RALGPS2: variants seen among roughly 807,000 people sequenced by gnomAD.
RALGPS2 encodes the protein Ral GEF with PH domain and SH3 binding motif 2.
A neutral mutation model predicts 86.8 loss-of-function variants in RALGPS2; 43 were observed. The ratio of observed to expected loss-of-function variants is 0.50; its 90% confidence interval spans 0.39 to 0.64. The LOEUF is 0.64. RALGPS2 is among the 30% of genes least tolerant of loss of function. The probability of loss-of-function intolerance (pLI) is 0.00; values close to 1 mark genes in which losing one functional copy is unlikely to be tolerated. For synonymous variants in RALGPS2, 243 were observed against 231.3 expected, an observed-to-expected ratio of 1.05 and a Z score of -0.46; for missense variants, 536 against 694.6, an observed-to-expected ratio of 0.77 and a Z score of 2.57.
intron 8 of RALGPS2, chr1:178,850,976 T>G: frequency 1.6e-6 from 1 of 629,726 alleles, no homozygotes; most frequent in Non-Finnish European, 2.4e-6. Flanking sequence ...GAAACTACAT[T>G]TATAGGTTCC....
At chr1:178,778,622 T>C (rs1653219766) in intron 2 of RALGPS2, among the ~76,000 whole-genome samples, 1 of 120,224 alleles carries the variant, frequency 8.3e-6, no homozygotes, top group Non-Finnish European at 1.7e-5. Flanking sequence ...TTATTCACAA[T>C]AGCAAAGACT....
chr1:178,894,723 A>G (rs1185955068), intron 16 of RALGPS2, among the ~76,000 whole-genome samples: 1 of 152,068 alleles, frequency 6.6e-6, no homozygotes, highest in Admixed American at 6.6e-5. Flanking sequence ...GAGGGAAAAT[A>G]TTGTACACAT....
At chr1:178,783,677 C>T (rs1653504979) in intron 2 of RALGPS2, among the ~76,000 whole-genome samples, 1 of 152,128 alleles carries the variant, frequency 6.6e-6, no homozygotes, top group Non-Finnish European at 1.5e-5. Context: ...GCCTCATATC[C>T]TACCACCATT....
In RALGPS2 at chr1:178,848,114, A is replaced by T. The variant is rs182684022; in HGVS notation, c.607+14564A>T. ...ACTTGAGGCCAGGAGTTTGAGACCA[A>T]CCTGGGCAACACAGTGAGACCCCAT... On this transcript the variant is annotated intron_variant, in intron 8 of 19. Transcript: ENST00000367635. Among the ~76,000 whole-genome samples, 317 of 151,968 alleles carry T rather than the reference A, an allele frequency of 2.1e-3. 1 individual carries two copies. Among genetic ancestry groups the T allele is most frequent in the Non-Finnish European group, 3.4e-3 (233 of 67,958 alleles).
intron 8 of RALGPS2, among the ~76,000 whole-genome samples, chr1:178,844,899 G>A (rs1230535093): frequency 2.6e-5 from 4 of 151,982 alleles, no homozygotes; most frequent in Admixed American, 6.6e-5. Context: ...GCATATTTTG[G>A]CTAGGTGCGG....
At chr1:178,780,111 C>T (rs963593349) in intron 2 of RALGPS2, among the ~76,000 whole-genome samples, 7 of 152,278 alleles carry the variant, frequency 4.6e-5, no homozygotes, top group Admixed American at 2.6e-4. Flanking sequence ...ACAGAAGTTA[C>T]AATCTTATAT....
chr1:178,867,440 T>C (rs1419567037), intron 8 of RALGPS2, among the ~76,000 whole-genome samples: 2 of 152,110 alleles, frequency 1.3e-5, no homozygotes, highest in Non-Finnish European at 2.9e-5. Context: ...ACTATTTGCA[T>C]TTATAACACT....
intron 6 of RALGPS2, among the ~76,000 whole-genome samples, chr1:178,811,721 G>T (rs1403339457): frequency 6.6e-6 from 1 of 152,156 alleles, no homozygotes; most frequent in Non-Finnish European, 1.5e-5. Flanking sequence ...TATTCTGCAG[G>T]TGATGAAGAA....
Position 178,819,084 on chromosome 1 carries a change from G to A in RALGPS2, c.388-2528G>A, listed in dbSNP as rs188385603. 5.1e-3 allele frequency among the ~76,000 whole-genome samples: 775 copies of A among 151,732 alleles called. 2 individuals are homozygous for A. The highest frequency in any genetic ancestry group is 8.6e-3 in the Non-Finnish European group (583 of 67,920). ...GCTCATCACAACCTGTGCCTCCTGGGCTCAAGCAGTCCTCCCATCTCAGCC... is the reference window on the plus strand; with the variant it reads ...GCTCATCACAACCTGTGCCTCCTGGACTCAAGCAGTCCTCCCATCTCAGCC... On this transcript the variant is annotated intron_variant, in intron 6 of 19. Transcript: ENST00000367635.
intron 8 of RALGPS2, among the ~76,000 whole-genome samples, chr1:178,836,134 C>G (rs1656261711): frequency 6.6e-6 from 1 of 152,116 alleles, no homozygotes; most frequent in Non-Finnish European, 1.5e-5. Flanking sequence ...CTCTCATGCA[C>G]ACACAGAGAG....
intron 1 of RALGPS2, among the ~76,000 whole-genome samples, chr1:178,749,176 GT>G (rs1200364436): frequency 1.3e-5 from 2 of 152,006 alleles, no homozygotes; most frequent in Non-Finnish European, 2.9e-5. Context: ...AAATAAAGCT[GT>G]TTTTAAAATT....
chr1:178,794,460 T>C (rs1654099232), intron 4 of RALGPS2, among the ~76,000 whole-genome samples: 1 of 152,208 alleles, frequency 6.6e-6, no homozygotes, highest in Non-Finnish European at 1.5e-5. Flanking sequence ...TTTATAGGGC[T>C]TCTCTCCAGT....
At chr1:178,880,935 A>G (rs1172790445) in intron 10 of RALGPS2, among the ~76,000 whole-genome samples, 1 of 152,162 alleles carries the variant, frequency 6.6e-6, no homozygotes, top group Non-Finnish European at 1.5e-5. Context: ...TAATGCCTTC[A>G]TTTTTGTAGG....
intron 4 of RALGPS2, among the ~76,000 whole-genome samples, chr1:178,800,016 A>C (rs1654397282): frequency 6.6e-6 from 1 of 152,208 alleles, no homozygotes; most frequent in Non-Finnish European, 1.5e-5. Flanking sequence ...GGGAGCTAAG[A>C]GTTTCAAGAT....
Position 178,748,261 on chromosome 1 carries a change from G to A in RALGPS2, c.-84+22842G>A, listed in dbSNP as rs371670871. ...CTTGAACCTGGGAGGTGGAGGTTGT[G>A]GTGAGCCAAGATTGTGCCACTGCAC... On this transcript the variant is annotated intron_variant, in intron 1 of 19. Coordinates refer to ENST00000367635, the MANE Select transcript of RALGPS2 (RefSeq NM_152663.5). Among the ~76,000 whole-genome samples, 8 of 151,732 alleles carry A rather than the reference G, an allele frequency of 5.3e-5. No homozygotes were observed. The East Asian group carries it at 9.8e-4, about 19-fold the overall frequency.
At chr1:178,786,439 A>C (rs527419203) in intron 4 of RALGPS2, among the ~76,000 whole-genome samples, 1 of 152,174 alleles carries the variant, frequency 6.6e-6, no homozygotes, top group East Asian at 1.9e-4. Context: ...AGAAAGGATC[A>C]AGAAACACAT....
At chr1:178,806,395 C>T (rs1173244233) in intron 4 of RALGPS2, among the ~76,000 whole-genome samples, 1 of 152,044 alleles carries the variant, frequency 6.6e-6, no homozygotes, top group Non-Finnish European at 1.5e-5. Flanking sequence ...GCCTGTTTTC[C>T]ATATGTGCTG....
chr1:178,836,542 A>G (rs951029682), intron 8 of RALGPS2, among the ~76,000 whole-genome samples: 1 of 152,134 alleles, frequency 6.6e-6, no homozygotes, highest in East Asian at 1.9e-4. Context: ...AAATTTTCCT[A>G]ATAAGGTCAC....
At chr1:178,764,501 T>C (rs1408345428) in intron 1 of RALGPS2, among the ~76,000 whole-genome samples, 1 of 152,210 alleles carries the variant, frequency 6.6e-6, no homozygotes, top group Non-Finnish European at 1.5e-5. Flanking sequence ...TTATTTCCTT[T>C]TGTCATGTTG....
Sources: allele counts gnomAD v4.1 joint callset (sites outside exome capture counted in the v4.1 genomes callset), GRCh38; gene constraint gnomAD v4.1.1; transcripts MANE v1.5; gene names NCBI Gene and HGNC (gene_info 2026-07-23, HGNC 2026-07-21).